The following MAP3K13 variants were observed in gnomAD, a reference collection of about 807,000 sequenced individuals.
MAP3K13 encodes the protein mitogen-activated protein kinase kinase kinase 13.
Under a neutral mutation model 104.0 loss-of-function variants are expected in MAP3K13, and 52 were observed. The ratio of observed to expected loss-of-function variants is 0.50; its 90% CI spans 0.40 to 0.63. MAP3K13 has a LOEUF of 0.63. MAP3K13 is among the 20% of genes least tolerant of loss of function. The pLI, the probability that MAP3K13 is intolerant of heterozygous loss-of-function variation, is 0.00. For missense variants in MAP3K13, 914 were observed against 1,218.5 expected, an observed-to-expected ratio of 0.75 and a Z score of 3.72; for synonymous variants, 394 against 442.2, an observed-to-expected ratio of 0.89 and a Z score of 1.37.
At chr3:185,395,357 C>CTTTATTTTTT (rs1553798321) in intron 1 of MAP3K13, among the ~76,000 whole-genome samples, 1 of 69,978 alleles carries the variant, frequency 1.4e-5, no homozygotes. Context: ...AATATTATTT[C>CTTTATTTTTT]TTTTTTTTTT....
At chr3:185,454,677 TTA>T (rs1385604403) in intron 7 of MAP3K13, among the ~76,000 whole-genome samples, 2 of 39,730 alleles carry the variant, frequency 5.0e-5, no homozygotes, top group Admixed American at 3.7e-4. Context: ...TATGAGATAT[TTA>T]TATGATATAT....
At position 185,370,421 on chromosome 3, in the gene MAP3K13, C is replaced by T. The variant is rs1724094446; in HGVS notation, c.-86+7053C>T. On this transcript the variant is annotated intron_variant, in intron 1 of 13. Transcript: ENST00000265026. Reference sequence around the variant, plus strand: ...ATGTTGGCCAGGCTGGTCTTGAACTCCTGACCTCAAGTGATCTGCCTGCCT... The same window carrying T: ...ATGTTGGCCAGGCTGGTCTTGAACTTCTGACCTCAAGTGATCTGCCTGCCT... Among the ~76,000 whole-genome samples the T allele has an allele frequency of 1.3e-5, 2 of 152,024 alleles. 1 individual carries two copies. Among genetic ancestry groups the T allele is most frequent in the South Asian group, 4.2e-4 (2 of 4,812 alleles).
intron 2 of MAP3K13, among the ~76,000 whole-genome samples, chr3:185,289,750 A>G (rs1030037581): frequency 1.3e-5 from 2 of 152,224 alleles, no homozygotes; most frequent in African/African-American, 2.4e-5. Context: ...ATATTAATGG[A>G]TATTCAATAT....
intron 2 of MAP3K13, among the ~76,000 whole-genome samples, chr3:185,437,195 T>C (rs1440400536): frequency 6.6e-6 from 1 of 151,828 alleles, no homozygotes; most frequent in African/African-American, 2.4e-5. Context: ...TGGTAGGATA[T>C]GTTTTATTTG....
intron 1 of MAP3K13, among the ~76,000 whole-genome samples, chr3:185,393,501 C>T (rs1392200680): frequency 2.0e-5 from 3 of 151,064 alleles, no homozygotes; most frequent in Non-Finnish European, 4.4e-5. Context: ...CTCTGTTGTC[C>T]AGGCTGGAGT....
chr3:185,453,085 G>A (rs1379829515), intron 7 of MAP3K13, among the ~76,000 whole-genome samples: 1 of 152,100 alleles, frequency 6.6e-6, no homozygotes, highest in Non-Finnish European at 1.5e-5. Context: ...CTATCAATGT[G>A]GATAAGGGGG....
chr3:185,383,182 G>A (rs1711504834), intron 1 of MAP3K13, among the ~76,000 whole-genome samples: 3 of 150,732 alleles, frequency 2.0e-5, no homozygotes, highest in African/African-American at 7.4e-5. Context: ...TCCCTACAAA[G>A]GACATGAACT....
At position 185,482,723 on chromosome 3, in the gene MAP3K13, AC is replaced by A. The variant is rs1718535760; in HGVS notation, c.*268del. 2.8e-6 allele frequency: 1 copy of A among 362,454 alleles called. No homozygotes were observed. The highest frequency in any genetic ancestry group is 2.0e-5 in the African/African-American group (1 of 48,790). The allele number at this position is 362,454 out of a possible 1,614,324, so 22.5% of individuals were successfully genotyped here. A position where few individuals can be genotyped will look rare whatever the true frequency, so the allele number is the denominator to read the frequency against. On this transcript the variant is annotated 3_prime_UTR_variant, in exon 14 of 14. Coordinates refer to ENST00000265026, the MANE Select transcript of MAP3K13 (RefSeq NM_004721.5). The surrounding 1 kb of genome is among the most constrained non-coding windows in gnomAD (Gnocchi z 4.5). Reference sequence around the variant, plus strand: ...TTTATTGAATATTCTAGCTACTGTAACATTGATATTTATTTTTGTTTGACAT... The same window carrying A: ...TTTATTGAATATTCTAGCTACTGTAAATTGATATTTATTTTTGTTTGACAT...
intron 2 of MAP3K13, among the ~76,000 whole-genome samples, chr3:185,346,967 G>C (rs1389781276): frequency 2.7e-5 from 4 of 149,204 alleles, no homozygotes; most frequent in East Asian, 3.9e-4. Context: ...TTGAACTGAG[G>C]TGTTCATAGC....
intron 2 of MAP3K13, among the ~76,000 whole-genome samples, chr3:185,354,630 A>G (rs1340455310): frequency 2.0e-5 from 3 of 151,458 alleles, no homozygotes; most frequent in African/African-American, 7.3e-5. Context: ...AGGGTACTAA[A>G]TGTGTTGCTG....
chr3:185,297,871 C>A (rs1348552930), intron 2 of MAP3K13, among the ~76,000 whole-genome samples: 1 of 150,358 alleles, frequency 6.7e-6, no homozygotes, highest in African/African-American at 2.4e-5. Context: ...AAAATAAGAG[C>A]TACTCTCTCT....
chr3:185,468,669 G>A (rs1165990296), intron 10 of MAP3K13, among the ~76,000 whole-genome samples: 1 of 152,170 alleles, frequency 6.6e-6, no homozygotes, highest in African/African-American at 2.4e-5. Flanking sequence ...TACCATAGCT[G>A]GACTAATAGG....
chr3:185,348,258 A>G (rs528142491), intron 2 of MAP3K13, among the ~76,000 whole-genome samples: 1 of 152,294 alleles, frequency 6.6e-6, no homozygotes, highest in East Asian at 1.9e-4. Context: ...TCAAGACACC[A>G]GCCTCTTTTC....
chr3:185,338,907 G>A (rs950681856), intron 2 of MAP3K13, among the ~76,000 whole-genome samples: 2 of 152,028 alleles, frequency 1.3e-5, no homozygotes, highest in African/African-American at 2.4e-5. Flanking sequence ...TAATAACAAT[G>A]TATAATAGAG....
At chr3:185,434,829 T>G (rs1714933990) in intron 2 of MAP3K13, among the ~76,000 whole-genome samples, 2 of 152,192 alleles carry the variant, frequency 1.3e-5, no homozygotes, top group South Asian at 4.1e-4. Flanking sequence ...AGTCTAATTT[T>G]AGTAGTTATT....
chr3:185,335,462 A>C (rs1722460359), intron 2 of MAP3K13, among the ~76,000 whole-genome samples: 1 of 152,164 alleles, frequency 6.6e-6, no homozygotes, highest in African/African-American at 2.4e-5. Context: ...ACTCTAGGCT[A>C]ATGTCACATT....
chr3:185,330,860 G>A (rs548211867), intron 2 of MAP3K13, among the ~76,000 whole-genome samples: 1 of 152,208 alleles, frequency 6.6e-6, no homozygotes, highest in East Asian at 1.9e-4. Context: ...TCTCACTCAG[G>A]TTGCTCTAGC....
At chr3:185,446,995 C>T (rs540942160) in intron 4 of MAP3K13, among the ~76,000 whole-genome samples, 4 of 152,256 alleles carry the variant, frequency 2.6e-5, no homozygotes, top group South Asian at 4.1e-4. Context: ...AGACATCCAG[C>T]GAGGTCTGGA....
At position 185,484,798 on chromosome 3, in the gene MAP3K13, TATC is replaced by T. The variant is rs1466259063; in HGVS notation, c.*2345_*2347del. The T allele has an allele frequency of 6.6e-6, 1 of 152,220 alleles. No individual in the cohort carries two copies. Among genetic ancestry groups the T allele is most frequent in the Non-Finnish European group, 1.5e-5 (1 of 68,038 alleles). 9.4% of individuals were successfully genotyped at this position (152,220 alleles called of 1,614,324 possible). ...TCATTGTTATTTTATTTTATAATAT[TATC>T]ATTCTCATTTTCTGTCGATCAGAAG... On this transcript the variant is annotated 3_prime_UTR_variant, in exon 14 of 14. Transcript: ENST00000265026.
Sources: allele counts gnomAD v4.1 joint callset (sites outside exome capture counted in the v4.1 genomes callset), GRCh38; gene constraint gnomAD v4.1.1; non-coding constraint Gnocchi (gnomAD v3.1); transcripts MANE v1.5; gene names NCBI Gene and HGNC (gene_info 2026-07-23, HGNC 2026-07-21).